TMPRSS15: variants seen among roughly 807,000 people sequenced by gnomAD.
TMPRSS15 encodes transmembrane serine protease 15, also known as enteropeptidase.
Under a neutral mutation model 125.3 loss-of-function variants are expected in TMPRSS15, and 128 were observed. That is an observed-to-expected ratio of 1.02 (90% confidence interval 0.89 to 1.18). The LOEUF is 1.18. Among genes scored for constraint, TMPRSS15 ranks in the 50% most tolerant of loss-of-function variants. The pLI is 0.00. For synonymous variants in TMPRSS15, 446 were observed against 423.2 expected (o/e 1.05, Z -0.66); for missense variants, 1,283 against 1,212.7 (o/e 1.06, Z -0.86).
At chr21:18,368,286 T>C (rs1390623557) in intron 6 of TMPRSS15, among the ~76,000 whole-genome samples, 1 of 152,202 alleles carries the variant, frequency 6.6e-6, no homozygotes, top group African/African-American at 2.4e-5. Context: ...GTTACGTCTC[T>C]AGTTTCAAAG....
chr21:18,373,562 A>C (rs1303018970), intron 5 of TMPRSS15, among the ~76,000 whole-genome samples: 1 of 152,256 alleles, frequency 6.6e-6, no homozygotes, highest in African/African-American at 2.4e-5. Flanking sequence ...CACATATTTC[A>C]TAGAATCTCA....
chr21:18,272,323 T>TGAG (rs1244068131), intron 24 of TMPRSS15, among the ~76,000 whole-genome samples: 1 of 151,826 alleles, frequency 6.6e-6, no homozygotes, highest in Non-Finnish European at 1.5e-5. Context: ...TCAGTGATGT[T>TGAG]GAGTTTTTTT....
At chr21:18,475,744 C>T (rs1394440260) in intron 1 of TMPRSS15, among the ~76,000 whole-genome samples, 9 of 152,092 alleles carry the variant, frequency 5.9e-5, no homozygotes, top group South Asian at 2.1e-4. Context: ...CCTTTAAGCT[C>T]GCTTCATTAG....
At chr21:18,477,259 A>T (rs1024577756) in intron 1 of TMPRSS15, 2 of 152,130 alleles carry the variant, frequency 1.3e-5, no homozygotes, top group African/African-American at 4.8e-5. Flanking sequence ...AATGTTTGAG[A>T]ATTACTGCGT....
intron 1 of TMPRSS15, among the ~76,000 whole-genome samples, chr21:18,440,767 C>G (rs1035415605): frequency 2.6e-5 from 4 of 151,950 alleles, no homozygotes; most frequent in African/African-American, 9.7e-5. Context: ...TTATCATGAC[C>G]TATTTATATA....
intron 13 of TMPRSS15, among the ~76,000 whole-genome samples, chr21:18,335,835 T>A (rs941280221): frequency 1.3e-5 from 2 of 152,042 alleles, no homozygotes; most frequent in African/African-American, 4.8e-5. Context: ...ATTCCAAATA[T>A]CACAGTCATG....
At chr21:18,403,329 G>T in intron 1 of TMPRSS15, 149 bp downstream of exon 1, 1 of 1,016,620 alleles carries the variant, frequency 9.8e-7, no homozygotes, top group Non-Finnish European at 1.5e-6. Flanking sequence ...TAAATATTTT[G>T]TCATGAAGAT....
intron 18 of TMPRSS15, among the ~76,000 whole-genome samples, chr21:18,300,224 T>TTTTC (rs1202353092): frequency 8.7e-5 from 12 of 137,252 alleles, no homozygotes; most frequent in East Asian, 2.1e-4. Context: ...CTTTCTCTCT[T>TTTTC]TTTCTTTCTT....
intron 10 of TMPRSS15, among the ~76,000 whole-genome samples, chr21:18,351,981 C>A (rs377061303): frequency 6.6e-6 from 1 of 151,916 alleles, no homozygotes; most frequent in South Asian, 2.1e-4. Context: ...TGGCTTTTAA[C>A]GTTTGTTTGA....
intron 1 of TMPRSS15, among the ~76,000 whole-genome samples, chr21:18,454,905 A>G (rs1978410833): frequency 6.6e-6 from 1 of 152,174 alleles, no homozygotes; most frequent in Non-Finnish European, 1.5e-5. Context: ...GTTGACACAC[A>G]AATTTAACTA....
intron 24 of TMPRSS15, among the ~76,000 whole-genome samples, chr21:18,271,823 G>A (rs2074560423): frequency 6.6e-6 from 1 of 150,832 alleles, no homozygotes; most frequent in Admixed American, 6.6e-5. Context: ...GTGAGAACAT[G>A]CAGTGTTTGG....
At position 18,284,148 on chromosome 21, in the gene TMPRSS15, C is replaced by T. The variant is rs377594475; in HGVS notation, c.2487-2927G>A. ...GCACCATGGATAGGAAAAATTCCGC[C>T]GCCATGTATCATTTACATCTTTCCT... On this transcript the variant is annotated intron_variant, in intron 21 of 24. Transcript: ENST00000284885. 4.6e-5 allele frequency among the ~76,000 whole-genome samples: 7 copies of T among 152,274 alleles called. 1 individual carries two copies. In the South Asian group the frequency reaches 1.0e-3, roughly 23 times the overall value.
At chr21:18,425,034 C>T (rs2076199899) in intron 1 of TMPRSS15, among the ~76,000 whole-genome samples, 1 of 150,632 alleles carries the variant, frequency 6.6e-6, no homozygotes, top group East Asian at 1.9e-4. Context: ...TATATTAATT[C>T]AAGATGCCAG....
chr21:18,435,653 G>A (rs942179909), intron 1 of TMPRSS15, among the ~76,000 whole-genome samples: 21 of 152,274 alleles, frequency 1.4e-4, no homozygotes, highest in Non-Finnish European at 2.5e-4. Context: ...CATAAAATGA[G>A]TTAGGGAGGA....
intron 10 of TMPRSS15, among the ~76,000 whole-genome samples, chr21:18,347,291 C>T (rs1270134994): frequency 1.3e-5 from 2 of 151,974 alleles, no homozygotes; most frequent in South Asian, 2.1e-4. Flanking sequence ...GGCTGGAGTG[C>T]GGTAGCCAAT....
At chr21:18,450,655 G>T (rs889863076) in intron 1 of TMPRSS15, among the ~76,000 whole-genome samples, 11 of 151,656 alleles carry the variant, frequency 7.3e-5, no homozygotes, top group Admixed American at 2.0e-4. Context: ...AATACCTGTG[G>T]GCCATGACCC....
At chr21:18,398,594 G>A (rs1569056943) in intron 1 of TMPRSS15, among the ~76,000 whole-genome samples, 1 of 151,950 alleles carries the variant, frequency 6.6e-6, no homozygotes, top group Admixed American at 6.6e-5. Context: ...CACACTCCAA[G>A]CTTCCAAATT....
chr21:18,397,440 G>A (rs1309857042), intron 3 of TMPRSS15, among the ~76,000 whole-genome samples: 1 of 152,082 alleles, frequency 6.6e-6, no homozygotes, highest in Non-Finnish European at 1.5e-5. Context: ...TCTAAGATTC[G>A]TTAGTTTATT....
At chr21:18,312,060 A>T (rs2075106401) in intron 18 of TMPRSS15, among the ~76,000 whole-genome samples, 1 of 152,130 alleles carries the variant, frequency 6.6e-6, no homozygotes, top group Non-Finnish European at 1.5e-5. Context: ...ATGACAAACA[A>T]ACTTTAAATG....
Sources: gnomAD v4.1 joint callset for allele counts (sites outside exome capture counted in the v4.1 genomes callset) on GRCh38, gnomAD v4.1.1 for gene constraint, MANE v1.5 for transcripts, NCBI Gene and HGNC (gene_info 2026-07-23, HGNC 2026-07-21) for gene names.